Variants in SH3PXD2B observed in about 807,000 individuals in gnomAD.
The protein encoded by SH3PXD2B is SH3 and PX domains 2B, also known as SH3 and PX domain-containing protein 2B.
A neutral mutation model predicts 73.1 loss-of-function variants in SH3PXD2B; 37 were observed. The ratio of observed to expected loss-of-function variants is 0.51; its 90% CI spans 0.39 to 0.67. The LOEUF is 0.67. Among genes scored for constraint, SH3PXD2B ranks in the 30% least tolerant of loss-of-function variants. The pLI is 0.00. For synonymous variants in SH3PXD2B, 457 were observed against 480.5 expected, an observed-to-expected ratio of 0.95 and a Z score of 0.64; for missense variants, 1,053 against 1,197.8, an observed-to-expected ratio of 0.88 and a Z score of 1.78.
rs972741977 is a variant in SH3PXD2B, at chr5:172,333,847, C to G, written c.*4522G>C. On this transcript the variant is annotated 3_prime_UTR_variant, in exon 13 of 13. Transcript: ENST00000311601. ...ATGTGGGTTGTAATCAAGGTGGCCA[C>G]AGTTTATCATCACCCCTCTAAGTGA... is the stretch of plus-strand genomic sequence containing the variant. The G allele has an allele frequency of 1.6e-6, 2 of 1,286,710 alleles. No individual in the cohort carries two copies. The highest frequency in any genetic ancestry group is 3.0e-5 in the African/African-American group (2 of 65,756). 79.7% of individuals were successfully genotyped at this position (1,286,710 alleles called of 1,614,324 possible). A position where few individuals can be genotyped will look rare whatever the true frequency, so the allele number is the denominator to read the frequency against.
At chr5:172,347,584 C>T (rs1757025088) in intron 10 of SH3PXD2B, among the ~76,000 whole-genome samples, 1 of 152,010 alleles carries the variant, frequency 6.6e-6, no homozygotes, top group African/African-American at 2.4e-5. Flanking sequence ...GTGCTGGATC[C>T]TCAAGTCATG....
chr5:172,397,078 A>G (rs1429253830), intron 3 of SH3PXD2B, among the ~76,000 whole-genome samples: 1 of 152,214 alleles, frequency 6.6e-6, no homozygotes, highest in Non-Finnish European at 1.5e-5. Flanking sequence ...TAGGAGAAAT[A>G]TTGCTGAATT....
At chr5:172,443,052 T>A (rs1203585613) in intron 1 of SH3PXD2B, among the ~76,000 whole-genome samples, 1 of 152,154 alleles carries the variant, frequency 6.6e-6, no homozygotes. Context: ...AGATCCCAAA[T>A]GAAACTAATG....
At chr5:172,424,998 C>G (rs1759062736) in intron 1 of SH3PXD2B, among the ~76,000 whole-genome samples, 1 of 152,162 alleles carries the variant, frequency 6.6e-6, no homozygotes, top group Non-Finnish European at 1.5e-5. Flanking sequence ...TTTGCGCTCC[C>G]CGTTCCTAGG....
chr5:172,343,529 G>A (rs1756904641), intron 12 of SH3PXD2B, among the ~76,000 whole-genome samples: 1 of 152,158 alleles, frequency 6.6e-6, no homozygotes. Context: ...AGCCGGGTGC[G>A]GTGGCTCACG....
chr5:172,435,673 C>T (rs1432424524), intron 1 of SH3PXD2B, among the ~76,000 whole-genome samples: 1 of 152,182 alleles, frequency 6.6e-6, no homozygotes, highest in Non-Finnish European at 1.5e-5. Context: ...ATCTACCTGC[C>T]TCGGCCTCCC....
At chr5:172,367,104 T>C (rs1259700075) in intron 6 of SH3PXD2B, among the ~76,000 whole-genome samples, 1 of 151,442 alleles carries the variant, frequency 6.6e-6, no homozygotes, top group African/African-American at 2.4e-5. Flanking sequence ...ACACAGCTAA[T>C]TTTCGTATTT....
Position 172,406,218 on chromosome 5 carries a change from C to T in SH3PXD2B, c.232+59G>A, listed in dbSNP as rs1340262669. On this transcript the variant is annotated intron_variant, in intron 3 of 12. Transcript: ENST00000311601. ...ACAAGCTGATAAACTGTCCCAAGGG[C>T]TCTGGGAACTGTAACAGAGCCCCCA... 21 of 1,569,668 alleles carry T rather than the reference C, an allele frequency of 1.3e-5. No homozygotes were observed. In the East Asian group the frequency reaches 3.1e-4, roughly 23 times the overall value.
intron 12 of SH3PXD2B, among the ~76,000 whole-genome samples, chr5:172,340,225 G>A (rs532688031): frequency 6.6e-6 from 1 of 152,240 alleles, no homozygotes; most frequent in Non-Finnish European, 1.5e-5. Context: ...AGAGAAAGAA[G>A]GGAAAGGGAG....
chr5:172,404,017 TG>T (rs1758492987), intron 3 of SH3PXD2B, among the ~76,000 whole-genome samples: 1 of 152,248 alleles, frequency 6.6e-6, no homozygotes, highest in Non-Finnish European at 1.5e-5. Flanking sequence ...CGCTGACATT[TG>T]GCTGCCGCAG....
rs1756698942 is a variant in SH3PXD2B at position 172,336,611 on chromosome 5, C to T, written c.*1758G>A. On this transcript the variant is annotated 3_prime_UTR_variant, in exon 13 of 13. Transcript: ENST00000311601. ...GGCACTGCAGGTAGACACTGAGCAT[C>T]CCCCCAAAAAACTGGCTTTGTGGGT... is the stretch of plus-strand genomic sequence containing the variant. The T allele has an allele frequency of 1.0e-6, 1 of 985,758 alleles. No homozygotes were observed. The highest frequency in any genetic ancestry group is 1.7e-5 in the African/African-American group (1 of 57,178). The allele number at this position is 985,758 out of a possible 1,614,324, so 61.1% of individuals were successfully genotyped here. A position where few individuals can be genotyped will look rare whatever the true frequency, so the allele number is the denominator to read the frequency against.
At chr5:172,340,958 T>C (rs1756836739) in intron 12 of SH3PXD2B, among the ~76,000 whole-genome samples, 1 of 152,214 alleles carries the variant, frequency 6.6e-6, no homozygotes, top group South Asian at 2.1e-4. Flanking sequence ...CGTGTTTATA[T>C]ACAGGGGACC....
chr5:172,370,853 G>C (rs1416955793), intron 6 of SH3PXD2B, among the ~76,000 whole-genome samples: 1 of 152,226 alleles, frequency 6.6e-6, no homozygotes, highest in Admixed American at 6.5e-5. Flanking sequence ...TACTGGTGGA[G>C]CGTGATATTG....
At chr5:172,355,735 G>A (rs1757257747) in intron 8 of SH3PXD2B, among the ~76,000 whole-genome samples, 1 of 151,938 alleles carries the variant, frequency 6.6e-6, no homozygotes, top group East Asian at 1.9e-4. Context: ...TAGTAGAGAC[G>A]GGGTTTCACC....
At chr5:172,413,208 C>T (rs1758742276) in intron 2 of SH3PXD2B, among the ~76,000 whole-genome samples, 1 of 152,238 alleles carries the variant, frequency 6.6e-6, no homozygotes, top group Non-Finnish European at 1.5e-5. Flanking sequence ...GCCACAAGGT[C>T]CTGGGGCAGG....
At chr5:172,446,974 G>A (rs1759679513) in intron 1 of SH3PXD2B, among the ~76,000 whole-genome samples, 1 of 152,218 alleles carries the variant, frequency 6.6e-6, no homozygotes, top group South Asian at 2.1e-4. Context: ...TGGCAGGAGT[G>A]GGGAAAGAGC....
At chr5:172,359,504 T>TG (rs2113313319) in intron 7 of SH3PXD2B, among the ~76,000 whole-genome samples, 1 of 151,692 alleles carries the variant, frequency 6.6e-6, no homozygotes, top group South Asian at 2.1e-4. Flanking sequence ...ACTGCACACA[T>TG]GAGGAAACTG....
At chr5:172,354,045 CA>C (rs772241539) in intron 8 of SH3PXD2B, 40 bp from the exon 9 acceptor site, 1 of 1,577,380 alleles carries the variant, frequency 6.3e-7, no homozygotes, top group African/African-American at 1.3e-5. Flanking sequence ...AAGAGGACAC[CA>C]AGAGGCTTGG....
intron 3 of SH3PXD2B, 104 bp from the exon 4 acceptor site, chr5:172,394,743 G>A: frequency 8.2e-7 from 1 of 1,219,274 alleles, no homozygotes; most frequent in Non-Finnish European, 1.2e-6. Flanking sequence ...GGTCTGAGTG[G>A]TGCCAAAATT....
Sources: allele counts gnomAD v4.1 joint callset (sites outside exome capture counted in the v4.1 genomes callset), GRCh38; gene constraint gnomAD v4.1.1; transcripts MANE v1.5; gene names NCBI Gene and HGNC (gene_info 2026-07-23, HGNC 2026-07-21).